The following GRIA1 variants were observed in gnomAD, a reference collection of about 807,000 sequenced individuals.
GRIA1 encodes the protein glutamate receptor 1.
A neutral mutation model predicts 99.2 loss-of-function variants in GRIA1; 31 were observed. The observed-to-expected ratio is 0.31, with a 90% CI of 0.23 to 0.42. The LOEUF (loss-of-function observed/expected upper bound fraction) is 0.42. Ranked by LOEUF, GRIA1 falls within the 10% of genes least tolerant of loss-of-function variation. The probability of loss-of-function intolerance (pLI) is 1.00; values close to 1 mark genes in which losing one functional copy is unlikely to be tolerated. For missense variants in GRIA1, 782 were observed against 1,157.5 expected (o/e 0.68, Z 4.71); for synonymous variants, 438 against 432.4 (o/e 1.01, Z -0.16).
At chr5:153,795,527 C>T (rs779247661) in intron 14 of GRIA1, 27 of 1,613,434 alleles carry the variant, frequency 1.7e-5, no homozygotes, top group Non-Finnish European at 2.3e-5. Context: ...GCGTCTTAGA[C>T]AAGCTGAAAA....
intron 2 of GRIA1, among the ~76,000 whole-genome samples, chr5:153,504,465 T>C (rs1042885408): frequency 6.6e-6 from 1 of 152,032 alleles, no homozygotes; most frequent in Middle Eastern, 3.2e-3. Context: ...TATATATAGA[T>C]GTCCCCCATT....
At chr5:153,582,520 C>G (rs1380324806) in intron 2 of GRIA1, among the ~76,000 whole-genome samples, 1 of 152,170 alleles carries the variant, frequency 6.6e-6, no homozygotes, top group Non-Finnish European at 1.5e-5. Context: ...CTCAGCACCA[C>G]CTTGAAGACC....
intron 2 of GRIA1, among the ~76,000 whole-genome samples, chr5:153,636,986 G>A (rs1466954760): frequency 6.6e-6 from 1 of 152,198 alleles, no homozygotes; most frequent in Non-Finnish European, 1.5e-5. Flanking sequence ...ATGACTCGGA[G>A]AAGATTAATT....
intron 5 of GRIA1, among the ~76,000 whole-genome samples, chr5:153,658,573 A>G (rs1755120765): frequency 6.6e-6 from 1 of 152,240 alleles, no homozygotes; most frequent in Admixed American, 6.5e-5. Context: ...TTTGAAACAT[A>G]GTCGAGTATG....
At chr5:153,565,768 A>C (rs533542375) in intron 2 of GRIA1, among the ~76,000 whole-genome samples, 11 of 152,098 alleles carry the variant, frequency 7.2e-5, no homozygotes, top group South Asian at 2.1e-4. Context: ...ATGTCTTAGC[A>C]TGTATCAGTG....
chr5:153,632,284 T>C (rs1047588756), intron 2 of GRIA1, among the ~76,000 whole-genome samples: 10 of 152,138 alleles, frequency 6.6e-5, no homozygotes, highest in African/African-American at 2.4e-4. Context: ...AGAATGGAGA[T>C]GTAAAGTGGG....
chr5:153,698,263 T>G (rs1396902524), intron 9 of GRIA1, 109 bp downstream of exon 9: 1 of 575,448 alleles, frequency 1.7e-6, no homozygotes, highest in East Asian at 2.8e-5. Flanking sequence ...AACTGTGTAA[T>G]AGATAAAAGC....
chr5:153,809,953 C>G (rs140170052), intron 15 of GRIA1, among the ~76,000 whole-genome samples: 2 of 152,104 alleles, frequency 1.3e-5, no homozygotes, highest in African/African-American at 4.8e-5. Context: ...CACCAAGAAA[C>G]CAAACCCCAC....
chr5:153,694,440 A>G (rs1327396209), intron 8 of GRIA1, among the ~76,000 whole-genome samples: 1 of 152,250 alleles, frequency 6.6e-6, no homozygotes, highest in East Asian at 1.9e-4. Context: ...TTGAAAACAG[A>G]AATGTCTTGT....
intron 2 of GRIA1, among the ~76,000 whole-genome samples, chr5:153,577,477 C>T (rs952185446): frequency 6.6e-6 from 1 of 152,108 alleles, no homozygotes; most frequent in Non-Finnish European, 1.5e-5. Context: ...AGATACTGTC[C>T]CCTTTTGTAC....
chr5:153,791,670 T>C (rs1190961438), intron 13 of GRIA1, among the ~76,000 whole-genome samples: 1 of 152,154 alleles, frequency 6.6e-6, no homozygotes, highest in Non-Finnish European at 1.5e-5. Flanking sequence ...ATATAAGGAT[T>C]AAATGAAATA....
At chr5:153,732,008 T>C (rs1761068292) in intron 11 of GRIA1, among the ~76,000 whole-genome samples, 1 of 152,122 alleles carries the variant, frequency 6.6e-6, no homozygotes, top group Non-Finnish European at 1.5e-5. Flanking sequence ...TGTCTTTCTG[T>C]GTCTGGCTTA....
At chr5:153,623,765 C>A (rs1275243237) in intron 2 of GRIA1, among the ~76,000 whole-genome samples, 1 of 152,150 alleles carries the variant, frequency 6.6e-6, no homozygotes, top group Non-Finnish European at 1.5e-5. Context: ...ATTCAACATG[C>A]ATAATGGCTC....
intron 2 of GRIA1, among the ~76,000 whole-genome samples, chr5:153,634,921 A>C (rs1043595823): frequency 5.3e-5 from 8 of 152,236 alleles, no homozygotes; most frequent in Admixed American, 1.3e-4. Flanking sequence ...TTAAAGATGC[A>C]GAACTTCTTA....
At chr5:153,704,427 G>C (rs1396644070) in intron 10 of GRIA1, among the ~76,000 whole-genome samples, 1 of 152,238 alleles carries the variant, frequency 6.6e-6, no homozygotes, top group Non-Finnish European at 1.5e-5. Flanking sequence ...TTGAGTAGAT[G>C]CCAGTGCTTC....
rs768681940 is a variant in GRIA1 at position 153,674,480 on chromosome 5, C to A, written c.700-20C>A. Reference sequence around the variant, plus strand: ...ATCCAGGCAGCATGTTCTAACTTCTCCCTCCTCCCCCTCTCACAGGGCTTC... The same window carrying A: ...ATCCAGGCAGCATGTTCTAACTTCTACCTCCTCCCCCTCTCACAGGGCTTC... On this transcript the variant is annotated intron_variant, in intron 5 of 15. Transcript: ENST00000285900. 6.2e-7 allele frequency: 1 copy of A among 1,613,504 alleles called. No homozygotes were observed. The highest frequency in any genetic ancestry group is 1.3e-5 in the African/African-American group (1 of 74,916).
At chr5:153,629,333 T>C (rs1343263902) in intron 2 of GRIA1, among the ~76,000 whole-genome samples, 1 of 152,208 alleles carries the variant, frequency 6.6e-6, no homozygotes, top group Non-Finnish European at 1.5e-5. Flanking sequence ...CCTTCACAGC[T>C]TGCAGCCCAG....
chr5:153,614,396 C>A (rs1766283132), intron 2 of GRIA1, among the ~76,000 whole-genome samples: 1 of 152,176 alleles, frequency 6.6e-6, no homozygotes, highest in South Asian at 2.1e-4. Context: ...TAAAAACTTG[C>A]TAGTTCCAGG....
In GRIA1 at chr5:153,512,855, ATG is replaced by A. The variant is rs1227801311; in HGVS notation, c.220+18791_220+18792del. Among the ~76,000 whole-genome samples the A allele has an allele frequency of 2.6e-5, 4 of 152,180 alleles. No homozygotes were observed. The East Asian group carries it at 7.7e-4, about 29-fold the overall frequency. ...GTTTGTTAAAGCCCTAACCTCCAGC[ATG>A]ATGGTAGTGGGTTTAGCTGTCGTCA... On this transcript the variant is annotated intron_variant, in intron 2 of 15. Coordinates refer to ENST00000285900, the MANE Select transcript of GRIA1 (RefSeq NM_000827.4).
Sources: allele counts gnomAD v4.1 joint callset (sites outside exome capture counted in the v4.1 genomes callset), GRCh38; gene constraint gnomAD v4.1.1; transcripts MANE v1.5; gene names NCBI Gene and HGNC (gene_info 2026-07-23, HGNC 2026-07-21).